The following SEMA5A variants were observed in gnomAD, a reference collection of about 807,000 sequenced individuals.
SEMA5A encodes semaphorin-5A.
Under a neutral mutation model 135.5 loss-of-function variants are expected in SEMA5A, and 55 were observed. The observed-to-expected ratio is 0.41, with a 90% confidence interval of 0.33 to 0.51. The LOEUF is 0.51. Among genes scored for constraint, SEMA5A ranks in the 20% least tolerant of loss-of-function variants. The pLI, the probability that SEMA5A is intolerant of heterozygous loss-of-function variation, is 0.37. For synonymous variants in SEMA5A, 580 were observed against 546.5 expected, an observed-to-expected ratio of 1.06 and a Z score of -0.85; for missense variants, 1,290 against 1,419.9, an observed-to-expected ratio of 0.91 and a Z score of 1.47.
intron 5 of SEMA5A, among the ~76,000 whole-genome samples, chr5:9,265,143 T>C (rs116525487): frequency 1.3e-5 from 2 of 152,170 alleles, no homozygotes; most frequent in East Asian, 3.9e-4. Flanking sequence ...ACATTCCCCA[T>C]AGCCCCAAAC....
rs372311503 is a variant in SEMA5A at position 9,458,707 on chromosome 5, G to A, written c.-174-20855C>T. Among the ~76,000 whole-genome samples the A allele has an allele frequency of 1.1e-4, 17 of 152,310 alleles. No individual in the cohort carries two copies. The East Asian group carries it at 2.7e-3, about 24-fold the overall frequency. On this transcript the variant is annotated intron_variant, in intron 1 of 22. Coordinates refer to ENST00000382496, the MANE Select transcript of SEMA5A (RefSeq NM_003966.3). Reference sequence around the variant, plus strand: ...CTCCATGTTCAAAGCTGAGTTTGCTGTAAAATGGAGCACAGGAACCCTGAA... The same window carrying A: ...CTCCATGTTCAAAGCTGAGTTTGCTATAAAATGGAGCACAGGAACCCTGAA...
intron 3 of SEMA5A, among the ~76,000 whole-genome samples, chr5:9,373,446 C>T (rs1479665273): frequency 6.6e-6 from 1 of 152,148 alleles, no homozygotes; most frequent in Non-Finnish European, 1.5e-5. Context: ...CCGGTGATGG[C>T]CCAAGCTGGA....
intron 3 of SEMA5A, among the ~76,000 whole-genome samples, chr5:9,370,478 T>C (rs1755091504): frequency 6.6e-6 from 1 of 152,152 alleles, no homozygotes. Context: ...AAGAACACTT[T>C]CTCACTCATG....
At chr5:9,200,053 C>T (rs145254705) in intron 9 of SEMA5A, among the ~76,000 whole-genome samples, 10 of 152,120 alleles carry the variant, frequency 6.6e-5, no homozygotes, top group Middle Eastern at 3.4e-3. Flanking sequence ...CTTTTCTTTC[C>T]GTTTGAAAAA....
At chr5:9,364,752 G>A (rs1344059013) in intron 3 of SEMA5A, among the ~76,000 whole-genome samples, 3 of 152,092 alleles carry the variant, frequency 2.0e-5, no homozygotes, top group African/African-American at 7.2e-5. Context: ...CATCTCAAAA[G>A]TCATAAAAAG....
At chr5:9,257,765 G>T (rs1384019913) in intron 5 of SEMA5A, among the ~76,000 whole-genome samples, 2 of 152,032 alleles carry the variant, frequency 1.3e-5, no homozygotes, top group East Asian at 3.9e-4. Flanking sequence ...TGGTGGTCAG[G>T]GCTTGCAGAT....
intron 1 of SEMA5A, among the ~76,000 whole-genome samples, chr5:9,459,917 G>T (rs1758992909): frequency 6.6e-6 from 1 of 152,132 alleles, no homozygotes; most frequent in Non-Finnish European, 1.5e-5. Context: ...CACAAAATCA[G>T]GCATTGCAGA....
intron 2 of SEMA5A, among the ~76,000 whole-genome samples, chr5:9,419,445 CA>C (rs1250714977): frequency 6.6e-6 from 1 of 152,116 alleles, no homozygotes; most frequent in African/African-American, 2.4e-5. Flanking sequence ...AAGGGCAGTG[CA>C]AAGTCATGTT....
intron 1 of SEMA5A, among the ~76,000 whole-genome samples, chr5:9,532,300 C>A (rs548795004): frequency 3.3e-5 from 5 of 151,750 alleles, no homozygotes; most frequent in Non-Finnish European, 5.9e-5. Context: ...GAGTCTCGCT[C>A]TATCGCCCAG....
intron 3 of SEMA5A, among the ~76,000 whole-genome samples, chr5:9,359,945 T>C (rs1429678622): frequency 6.6e-6 from 1 of 152,324 alleles, no homozygotes; most frequent in East Asian, 1.9e-4. Context: ...TCTCCTAAGG[T>C]TGTCTAATAG....
intron 11 of SEMA5A, among the ~76,000 whole-genome samples, chr5:9,186,623 G>A (rs902402701): frequency 6.6e-6 from 1 of 152,118 alleles, no homozygotes; most frequent in Admixed American, 6.5e-5. Context: ...TATAGCAAGT[G>A]CACCCAGACT....
rs542913529 is a variant in SEMA5A, at chr5:9,390,257, C to T, written c.-77-10234G>A. ...GAAGGGATTACTATAGCCAGACAGA[C>T]TTAAAAAAAGGGGGGTCCCCTGGGC... On this transcript the variant is annotated intron_variant, in intron 2 of 22. Transcript: ENST00000382496. Among the ~76,000 whole-genome samples the T allele has an allele frequency of 5.3e-5, 8 of 152,182 alleles. No homozygotes were observed. The East Asian group carries it at 1.4e-3, about 26-fold the overall frequency.
At chr5:9,349,206 CG>C (rs1561172330) in intron 3 of SEMA5A, among the ~76,000 whole-genome samples, 1 of 152,168 alleles carries the variant, frequency 6.6e-6, no homozygotes, top group African/African-American at 2.4e-5. Flanking sequence ...ATCTACACAT[CG>C]GAACTAGAAC....
At chr5:9,544,631 G>GC (rs1211107692) in intron 1 of SEMA5A, among the ~76,000 whole-genome samples, 1 of 152,186 alleles carries the variant, frequency 6.6e-6, no homozygotes, top group Middle Eastern at 3.2e-3. Flanking sequence ...CGTCCTCCGA[G>GC]CGCTCGCTCG....
At chr5:9,478,311 C>G (rs112337733) in intron 1 of SEMA5A, among the ~76,000 whole-genome samples, 2 of 152,152 alleles carry the variant, frequency 1.3e-5, no homozygotes, top group Non-Finnish European at 2.9e-5. Flanking sequence ...GGTTGGAGGC[C>G]CCATACAGAA....
At chr5:9,300,218 G>A (rs1359951397) in intron 5 of SEMA5A, among the ~76,000 whole-genome samples, 1 of 152,112 alleles carries the variant, frequency 6.6e-6, no homozygotes, top group African/African-American at 2.4e-5. Context: ...TGTAGAGACA[G>A]GGTTTCGCCA....
intron 4 of SEMA5A, among the ~76,000 whole-genome samples, chr5:9,323,657 CTTTTTT>C (rs35243676): frequency 9.2e-6 from 1 of 108,934 alleles, no homozygotes; most frequent in East Asian, 2.7e-4. Context: ...TCTTTTTTTC[CTTTTTT>C]TTTTTTTTTT....
At chr5:9,522,561 G>T (rs1024090719) in intron 1 of SEMA5A, among the ~76,000 whole-genome samples, 3 of 152,020 alleles carry the variant, frequency 2.0e-5, no homozygotes, top group Non-Finnish European at 4.4e-5. Flanking sequence ...TGGGCAACAA[G>T]AGCAAAACTC....
chr5:9,394,875 G>A lies in SEMA5A; in HGVS notation c.-77-14852C>T, dbSNP rs149870334. 1.6e-3 allele frequency among the ~76,000 whole-genome samples: 240 copies of A among 152,146 alleles called. 3 individuals carry two copies. The highest frequency in any genetic ancestry group is 5.2e-3 in the African/African-American group (215 of 41,538). On this transcript the variant is annotated intron_variant, in intron 2 of 22. Transcript: ENST00000382496. ...ATACTGAGTTTATAAATTCAATAATGATGTGAGTGGAAAAAAATAAAGTGC... is the reference window on the plus strand; with the variant it reads ...ATACTGAGTTTATAAATTCAATAATAATGTGAGTGGAAAAAAATAAAGTGC...
Sources: allele counts gnomAD v4.1 joint callset (sites outside exome capture counted in the v4.1 genomes callset), GRCh38; gene constraint gnomAD v4.1.1; transcripts MANE v1.5; gene names NCBI Gene and HGNC (gene_info 2026-07-23, HGNC 2026-07-21).